The following GDA variants were observed in gnomAD, a reference collection of about 807,000 sequenced individuals.
GDA encodes cytoplasmic PSD-95 interactor.
Under a neutral mutation model 59.6 loss-of-function variants are expected in GDA, and 18 were observed. That is an observed-to-expected ratio of 0.30 (90% CI 0.21 to 0.45). GDA has a LOEUF of 0.45. GDA is among the 20% of genes least tolerant of loss of function. GDA has a pLI of 1.00. For missense variants in GDA, 427 were observed against 552.3 expected (o/e 0.77, Z 2.27); for synonymous variants, 201 against 201.1 (o/e 1.00, Z 0.00).
intron 1 of GDA, among the ~76,000 whole-genome samples, chr9:72,192,828 C>G (rs892635954): frequency 2.0e-5 from 3 of 151,718 alleles, no homozygotes; most frequent in Admixed American, 6.6e-5. Context: ...TGCAGTGAGC[C>G]GAGATGGTGC....
intron 5 of GDA, among the ~76,000 whole-genome samples, chr9:72,216,570 C>T (rs558085553): frequency 6.6e-6 from 1 of 152,256 alleles, no homozygotes; most frequent in East Asian, 1.9e-4. Flanking sequence ...AGAAACCAAA[C>T]ACAAAAGGCC....
intron 1 of GDA, among the ~76,000 whole-genome samples, chr9:72,194,419 C>T (rs1832910559): frequency 6.6e-6 from 1 of 152,108 alleles, no homozygotes; most frequent in African/African-American, 2.4e-5. Flanking sequence ...GAGCTAGGGC[C>T]TGGAAAGACA....
At chr9:72,168,285 A>G (rs918826567) in intron 1 of GDA, among the ~76,000 whole-genome samples, 3 of 151,932 alleles carry the variant, frequency 2.0e-5, no homozygotes, top group Admixed American at 2.0e-4. Flanking sequence ...CTGTGGTCCC[A>G]GCTACGCAGG....
chr9:72,220,824 T>C (rs1836760119), intron 6 of GDA, among the ~76,000 whole-genome samples: 1 of 152,156 alleles, frequency 6.6e-6, no homozygotes, highest in Non-Finnish European at 1.5e-5. Context: ...CCTATGTGTG[T>C]GACACCTCAC....
intron 1 of GDA, among the ~76,000 whole-genome samples, chr9:72,158,520 G>A (rs1828214620): frequency 6.6e-6 from 1 of 151,786 alleles, no homozygotes; most frequent in Admixed American, 6.6e-5. Context: ...TTGAACCCGG[G>A]AGGCAGAGCT....
chr9:72,240,043 TACTA>T (rs1414720347), intron 10 of GDA, among the ~76,000 whole-genome samples: 1 of 152,160 alleles, frequency 6.6e-6, no homozygotes, highest in African/African-American at 2.4e-5. Context: ...TAATAAAACA[TACTA>T]ACTTACTTGA....
chr9:72,247,327 G>A, intron 12 of GDA, 79 bp from the exon 13 acceptor site: 1 of 866,880 alleles, frequency 1.2e-6, no homozygotes, highest in Non-Finnish European at 2.0e-6. Flanking sequence ...TCTGGGCTTT[G>A]TCAACCACTA....
intron 11 of GDA, among the ~76,000 whole-genome samples, chr9:72,244,786 G>C (rs1348960845): frequency 3.9e-5 from 6 of 152,094 alleles, no homozygotes; most frequent in Admixed American, 3.9e-4. Flanking sequence ...GAATAGAAGG[G>C]AAAAAGAATA....
chr9:72,229,086 A>AG (rs1837975673), intron 9 of GDA: 1 of 149,442 alleles, frequency 6.7e-6, no homozygotes, highest in Non-Finnish European at 1.5e-5. Context: ...CTCTAATCCC[A>AG]GCACTTTGGG....
intron 1 of GDA, among the ~76,000 whole-genome samples, chr9:72,175,199 C>T (rs1008335144): frequency 2.0e-5 from 3 of 152,154 alleles, no homozygotes; most frequent in African/African-American, 7.2e-5. Flanking sequence ...TAGGGTCTCA[C>T]TCTGTCACCC....
intron 1 of GDA, among the ~76,000 whole-genome samples, chr9:72,181,249 C>T (rs895279362): frequency 2.6e-5 from 4 of 152,110 alleles, no homozygotes; most frequent in Non-Finnish European, 5.9e-5. Context: ...CTTTGAAGCT[C>T]TATGTGTTCT....
downstream of GDA, among the ~76,000 whole-genome samples, chr9:72,258,206 G>C (rs1208439419): frequency 6.6e-6 from 1 of 150,698 alleles, no homozygotes; most frequent in Non-Finnish European, 1.5e-5. Flanking sequence ...TCAGCTGCTT[G>C]GGAGGCTGAG....
chr9:72,171,484 T>C (rs1172819829), intron 1 of GDA, among the ~76,000 whole-genome samples: 1 of 152,124 alleles, frequency 6.6e-6, no homozygotes, highest in Non-Finnish European at 1.5e-5. Flanking sequence ...TGGTGACCTA[T>C]TTTTTATGGG....
chr9:72,178,320 C>T (rs528529581), intron 1 of GDA, among the ~76,000 whole-genome samples: 1 of 151,822 alleles, frequency 6.6e-6, no homozygotes, highest in South Asian at 2.1e-4. Context: ...TATTATTTAA[C>T]TAAATCATGG....
At chr9:72,123,164 G>GTTTGT (rs1825721861) in intron 1 of GDA, among the ~76,000 whole-genome samples, 1 of 146,620 alleles carries the variant, frequency 6.8e-6, no homozygotes, top group East Asian at 2.0e-4. Flanking sequence ...TCTCAGAGCT[G>GTTTGT]TTTGTTTTCT....
chr9:72,258,356 T>C (rs1382302444), downstream of GDA, among the ~76,000 whole-genome samples: 1 of 151,118 alleles, frequency 6.6e-6, no homozygotes, highest in African/African-American at 2.4e-5. Context: ...AAATAAATGG[T>C]GGTAGATTCA....
intron 10 of GDA, among the ~76,000 whole-genome samples, chr9:72,231,489 C>T (rs922190767): frequency 4.6e-5 from 7 of 151,196 alleles, no homozygotes; most frequent in African/African-American, 1.7e-4. Context: ...GGTGTGAACC[C>T]GGGAGGCGGA....
chr9:72,162,584 A>G (rs377557274), intron 1 of GDA, among the ~76,000 whole-genome samples: 1 of 152,050 alleles, frequency 6.6e-6, no homozygotes, highest in Non-Finnish European at 1.5e-5. Flanking sequence ...GCAGAGAGAA[A>G]CATAGTCATT....
intron 6 of GDA, among the ~76,000 whole-genome samples, chr9:72,222,028 C>T (rs1268160726): frequency 6.6e-6 from 1 of 152,156 alleles, no homozygotes; most frequent in Non-Finnish European, 1.5e-5. Flanking sequence ...TGTATGTGTG[C>T]ATGTGTCTTT....
Sources: allele counts gnomAD v4.1 joint callset (sites outside exome capture counted in the v4.1 genomes callset), GRCh38; gene constraint gnomAD v4.1.1; transcripts MANE v1.5; gene names NCBI Gene and HGNC (gene_info 2026-07-23, HGNC 2026-07-21).